The following TRIM24 variants were observed in gnomAD, a reference collection of about 807,000 sequenced individuals.
The protein encoded by TRIM24 is transcription intermediary factor 1-alpha.
TRIM24 carries 29 observed loss-of-function variants against 123.9 expected under a neutral mutation model. The observed-to-expected ratio is 0.23, with a 90% CI of 0.17 to 0.32. The LOEUF (loss-of-function observed/expected upper bound fraction) is 0.32, where lower values mean the gene tolerates loss of function less well. TRIM24 is among the 10% of genes least tolerant of loss of function. TRIM24 has a pLI of 1.00. For synonymous variants in TRIM24, 456 were observed against 461.1 expected, an observed-to-expected ratio of 0.99 and a Z score of 0.14; for missense variants, 932 against 1,295.3, an observed-to-expected ratio of 0.72 and a Z score of 4.31.
chr7:138,566,679 C>T (rs1428800607), intron 9 of TRIM24, among the ~76,000 whole-genome samples: 1 of 151,872 alleles, frequency 6.6e-6, no homozygotes, highest in Non-Finnish European at 1.5e-5. Context: ...TGACTTTTTT[C>T]AAATTATGTT....
chr7:138,460,997 T>C (rs1794951690), intron 1 of TRIM24, 85 bp downstream of exon 1: 4 of 1,228,628 alleles, frequency 3.3e-6, no homozygotes, highest in South Asian at 3.7e-5. Context: ...CCCGCTGTCA[T>C]GTCGCCGCCG....
At chr7:138,514,274 A>G (rs1796348679) in intron 2 of TRIM24, 1 of 152,278 alleles carries the variant, frequency 6.6e-6, no homozygotes, top group Non-Finnish European at 1.5e-5. Context: ...CTAGCTTGTC[A>G]TTATACAGAA....
chr7:138,504,621 C>T (rs951570050), intron 2 of TRIM24, among the ~76,000 whole-genome samples: 4 of 151,736 alleles, frequency 2.6e-5, no homozygotes, highest in Admixed American at 1.3e-4. Flanking sequence ...TCACCATGCC[C>T]GGCTAGTTTT....
chr7:138,554,040 A>G lies in TRIM24; in HGVS notation c.1262-658A>G, dbSNP rs976188688. 2.6e-5 allele frequency among the ~76,000 whole-genome samples: 4 copies of G among 152,208 alleles called. No homozygotes were observed. Among genetic ancestry groups the G allele is most frequent in the Non-Finnish European group, 4.4e-5 (3 of 68,032 alleles). ...AACCTCCATGTGGCAACCTTCATTT[A>G]ACACAAAGCAAAAGGCATCCATCCC... On this transcript the variant is annotated intron_variant, in intron 8 of 18. Coordinates refer to ENST00000343526, the MANE Select transcript of TRIM24 (RefSeq NM_015905.3). This position sits in a 1 kb window ranked among gnomAD's most constrained non-coding sequence, Gnocchi z 4.5.
intron 4 of TRIM24, among the ~76,000 whole-genome samples, chr7:138,519,635 A>G (rs1339849379): frequency 6.6e-6 from 1 of 152,194 alleles, no homozygotes; most frequent in Non-Finnish European, 1.5e-5. Context: ...GCAACGTCCT[A>G]TGGAGCAAAA....
At chr7:138,504,761 C>G (rs1399002686) in intron 2 of TRIM24, among the ~76,000 whole-genome samples, 1 of 142,232 alleles carries the variant, frequency 7.0e-6, no homozygotes, top group South Asian at 2.3e-4. Context: ...CACCTGGCCT[C>G]TTTTTTTTTT....
intron 9 of TRIM24, among the ~76,000 whole-genome samples, chr7:138,565,943 A>T (rs1312391932): frequency 6.6e-6 from 1 of 152,158 alleles, no homozygotes; most frequent in African/African-American, 2.4e-5. Context: ...AGTAATGGTA[A>T]GGGGGATGAG....
intron 2 of TRIM24, among the ~76,000 whole-genome samples, chr7:138,510,977 A>G (rs1437677058): frequency 1.3e-5 from 2 of 152,212 alleles, no homozygotes; most frequent in African/African-American, 4.8e-5. Flanking sequence ...AATGTCCTTT[A>G]TGGATTATCC....
At chr7:138,581,586 GTTTTAATT>G in intron 16 of TRIM24, 103 bp from the exon 17 acceptor site, 1 of 879,700 alleles carries the variant, frequency 1.1e-6, no homozygotes, top group South Asian at 2.0e-5. Flanking sequence ...ATTCATCTGG[GTTTTAATT>G]TTTAGTCTGA....
intron 7 of TRIM24, among the ~76,000 whole-genome samples, chr7:138,547,892 C>G (rs868249120): frequency 4.0e-4 from 61 of 152,290 alleles, no homozygotes; most frequent in Middle Eastern, 3.4e-3. Flanking sequence ...GATCTGCCCG[C>G]CTTGGCGTCC....
chr7:138,572,289 CAAAGT>C (rs996356989), intron 11 of TRIM24, among the ~76,000 whole-genome samples: 1 of 152,168 alleles, frequency 6.6e-6, no homozygotes, highest in Non-Finnish European at 1.5e-5. Context: ...GATTATCCCA[CAAAGT>C]AAACAACTTT....
rs1448359947 is a variant in TRIM24 at position 138,554,710 on chromosome 7, T to C, written c.1274T>C (p.Ile425Thr). Reference sequence around the variant, plus strand: ...TCTTTTTAATTAGGTTCTTTAGTAATCGAGGATAAAGAGAGCCAGCCACAA... The same window carrying C: ...TCTTTTTAATTAGGTTCTTTAGTAACCGAGGATAAAGAGAGCCAGCCACAA... ...QNIINLGSLV[I>T]EDKESQPQMP... Residue 425 changes from isoleucine (I) to threonine (T), a missense_variant, in exon 9 of 19, where the codon ATC becomes ACC. Physicochemically the swap from Ile to Thr is moderately conservative, Grantham distance 89. Coordinates refer to ENST00000343526, the MANE Select transcript of TRIM24 (RefSeq NM_015905.3). The surrounding 1 kb of genome is among the most constrained non-coding windows in gnomAD (Gnocchi z 4.5). The C allele has an allele frequency of 5.0e-6, 8 of 1,613,868 alleles. No homozygotes were observed. Among genetic ancestry groups the C allele is most frequent in the Admixed American group, 1.7e-5 (1 of 60,000 alleles).
intron 1 of TRIM24, among the ~76,000 whole-genome samples, chr7:138,475,306 C>T (rs1377601492): frequency 1.3e-5 from 2 of 151,998 alleles, no homozygotes; most frequent in Non-Finnish European, 2.9e-5. Flanking sequence ...AAAGCCCAAA[C>T]CTTTCTAGAT....
In TRIM24 at chr7:138,565,507, G is replaced by A. The variant is rs757977084; in HGVS notation, c.1531-1974G>A. Among the ~76,000 whole-genome samples, 7 of 152,258 alleles carry A rather than the reference G, an allele frequency of 4.6e-5. 1 individual carries two copies. In the South Asian group the frequency reaches 1.5e-3, roughly 32 times the overall value. Reference sequence around the variant, plus strand: ...TCTGGGTTGAAGTTCTCCCAGTGGCGCCTGGGGTCACAGGTCTCTCCCGGC... The same window carrying A: ...TCTGGGTTGAAGTTCTCCCAGTGGCACCTGGGGTCACAGGTCTCTCCCGGC... On this transcript the variant is annotated intron_variant, in intron 9 of 18. Transcript: ENST00000343526.
At chr7:138,461,509 C>T (rs1794971294) in intron 1 of TRIM24, among the ~76,000 whole-genome samples, 1 of 152,110 alleles carries the variant, frequency 6.6e-6, no homozygotes, top group Non-Finnish European at 1.5e-5. Flanking sequence ...ACAAAGGAAC[C>T]AAGAGACGTT....
chr7:138,470,413 G>A (rs377628285), intron 1 of TRIM24, among the ~76,000 whole-genome samples: 8 of 152,104 alleles, frequency 5.3e-5, no homozygotes, highest in African/African-American at 9.7e-5. Flanking sequence ...GAGCCATCGC[G>A]CCCAGTCTTT....
At chr7:138,539,941 C>T (rs1796970255) in intron 7 of TRIM24, among the ~76,000 whole-genome samples, 1 of 151,944 alleles carries the variant, frequency 6.6e-6, no homozygotes, top group Non-Finnish European at 1.5e-5. Flanking sequence ...GCTGGAACTA[C>T]AGGCGTCCGC....
At chr7:138,541,076 G>C (rs1434079354) in intron 7 of TRIM24, among the ~76,000 whole-genome samples, 1 of 152,158 alleles carries the variant, frequency 6.6e-6, no homozygotes, top group Non-Finnish European at 1.5e-5. Flanking sequence ...CTGACCTCAA[G>C]TGATCCACCC....
chr7:138,530,029 A>G (rs1294032851), intron 6 of TRIM24, among the ~76,000 whole-genome samples: 1 of 152,168 alleles, frequency 6.6e-6, no homozygotes, highest in Non-Finnish European at 1.5e-5. Context: ...TAATTTACCA[A>G]ATTAAAAGGT....
Sources: allele counts gnomAD v4.1 joint callset (sites outside exome capture counted in the v4.1 genomes callset), GRCh38; gene constraint gnomAD v4.1.1; non-coding constraint Gnocchi (gnomAD v3.1); transcripts MANE v1.5; gene names NCBI Gene and HGNC (gene_info 2026-07-23, HGNC 2026-07-21).